TLK1: variants seen among roughly 807,000 people sequenced by gnomAD.
TLK1 encodes the protein tousled like kinase 1.
A neutral mutation model predicts 105.3 loss-of-function variants in TLK1; 24 were observed. That is an observed-to-expected ratio of 0.23 (90% confidence interval 0.17 to 0.32). TLK1 has a LOEUF of 0.32. Ranked by LOEUF, TLK1 falls within the 10% of genes least tolerant of loss-of-function variation. TLK1 has a pLI of 1.00. For missense variants in TLK1, 558 were observed against 910.5 expected (o/e 0.61, Z 4.98); for synonymous variants, 321 against 310.4 (o/e 1.03, Z -0.36).
intron 1 of TLK1, among the ~76,000 whole-genome samples, chr2:171,128,880 A>G (rs1447646206): frequency 6.6e-6 from 1 of 152,160 alleles, no homozygotes. Context: ...GAGACACTGA[A>G]AGGTTAAGTT....
chr2:171,122,444 T>C (rs1690691848), intron 1 of TLK1, among the ~76,000 whole-genome samples: 1 of 152,124 alleles, frequency 6.6e-6, no homozygotes, highest in South Asian at 2.1e-4. Flanking sequence ...AATCATGGGT[T>C]CCTCCACAAA....
chr2:171,100,288 A>G (rs1689631765), intron 2 of TLK1, among the ~76,000 whole-genome samples: 1 of 152,176 alleles, frequency 6.6e-6, no homozygotes, highest in African/African-American at 2.4e-5. Flanking sequence ...AATTTGGTCC[A>G]AAGTGTGGCG....
intron 2 of TLK1, 74 bp from the exon 3 acceptor site, chr2:171,082,926 A>G (rs1333902086): frequency 8.8e-6 from 9 of 1,020,050 alleles, no homozygotes; most frequent in East Asian, 2.4e-5. Context: ...TTAAACAAAC[A>G]TATTACAAAG....
At chr2:171,105,750 C>T (rs1011000798) in intron 2 of TLK1, among the ~76,000 whole-genome samples, 2 of 151,952 alleles carry the variant, frequency 1.3e-5, no homozygotes, top group African/African-American at 2.4e-5. Flanking sequence ...AACCCTCCTA[C>T]ACTGTTGGTG....
intron 3 of TLK1, among the ~76,000 whole-genome samples, chr2:171,076,925 GA>G (rs1688542253): frequency 7.0e-6 from 1 of 143,602 alleles, no homozygotes; most frequent in African/African-American, 2.9e-5. Context: ...AAAAAAGAAA[GA>G]AAGAAAGAAA....
At chr2:171,070,529 T>C (rs1177965079) in intron 3 of TLK1, among the ~76,000 whole-genome samples, 1 of 152,176 alleles carries the variant, frequency 6.6e-6, no homozygotes, top group Non-Finnish European at 1.5e-5. Context: ...CATGTGAAGT[T>C]TGTCTTTCTG....
At chr2:171,174,999 T>C (rs1041582936) in intron 1 of TLK1, among the ~76,000 whole-genome samples, 1 of 152,088 alleles carries the variant, frequency 6.6e-6, no homozygotes, top group African/African-American at 2.4e-5. Context: ...TCCCAACATG[T>C]TGGGAGGATT....
chr2:171,101,312 C>T (rs188364971), intron 2 of TLK1, among the ~76,000 whole-genome samples: 20 of 136,862 alleles, frequency 1.5e-4, no homozygotes, highest in African/African-American at 5.9e-4. Context: ...CGCCACTGCA[C>T]TCCAGCCTGG....
chr2:171,065,816 C>T (rs1169655622), intron 3 of TLK1, among the ~76,000 whole-genome samples: 1 of 152,202 alleles, frequency 6.6e-6, no homozygotes, highest in Non-Finnish European at 1.5e-5. Context: ...GGATTACAGG[C>T]GTGAGCCACT....
chr2:171,134,653 C>T (rs1423797112), intron 1 of TLK1, among the ~76,000 whole-genome samples: 4 of 149,730 alleles, frequency 2.7e-5, no homozygotes, highest in Admixed American at 6.7e-5. Flanking sequence ...CAGAATCAAC[C>T]TAAATGTCCA....
chr2:171,065,956 C>T (rs1015795661), intron 3 of TLK1, among the ~76,000 whole-genome samples: 3 of 152,122 alleles, frequency 2.0e-5, no homozygotes, highest in African/African-American at 7.2e-5. Context: ...AATTTTTATC[C>T]ACATTTCTAG....
At position 171,033,427 on chromosome 2, in the gene TLK1, C is replaced by T. The variant is rs763847536; in HGVS notation, c.1170-5022G>A. Among the ~76,000 whole-genome samples the T allele has an allele frequency of 3.3e-5, 5 of 150,724 alleles. No homozygotes were observed. In the South Asian group the frequency reaches 1.0e-3, roughly 32 times the overall value. ...GATGGTTACTAGAGGCTGGGAAGGA[C>T]AGTGGGGAAGGGGGCAAAAGGTGGG... On this transcript the variant is annotated intron_variant, in intron 11 of 20. Transcript: ENST00000431350.
intron 12 of TLK1, among the ~76,000 whole-genome samples, chr2:171,016,450 C>T (rs764128619): frequency 7.2e-5 from 11 of 152,046 alleles, no homozygotes; most frequent in African/African-American, 2.2e-4. Context: ...ATTTTTAGTA[C>T]GTAATTTTGA....
In TLK1 at chr2:171,053,817, T is replaced by C; in HGVS notation, c.676A>G (p.Ser226Gly). 8.7e-6 allele frequency: 14 copies of C among 1,610,540 alleles called. No homozygotes were observed. Among genetic ancestry groups the C allele is most frequent in the Non-Finnish European group, 1.0e-5 (12 of 1,178,304 alleles). The change falls in exon 8 of 21, where the codon AGT becomes GGT. Residue 226 changes from serine (S) to glycine (G), a missense_variant. By Grantham distance (56) the Ser-to-Gly change is moderately conservative. Around this residue, in one of 5 missense-constraint regions of TLK1, gnomAD observed 196 missense variants for 239.3 expected, o/e 0.82. Coordinates refer to ENST00000431350, the MANE Select transcript of TLK1 (RefSeq NM_012290.5). ...TTTTCCAGGTCCTGGATTTTATTAC[T>C]TTCTAATGCTGCTAATTTCAGCATT... ...LTMLKLAALE[S>G]NKIQDLEKKE...
intron 11 of TLK1, among the ~76,000 whole-genome samples, chr2:171,043,180 T>C (rs1245853911): frequency 6.6e-6 from 1 of 152,228 alleles, no homozygotes; most frequent in East Asian, 1.9e-4. Flanking sequence ...TGGACATTGA[T>C]GCTGCGACTG....
At chr2:171,065,570 C>T (rs1409717418) in intron 3 of TLK1, among the ~76,000 whole-genome samples, 1 of 150,018 alleles carries the variant, frequency 6.7e-6, no homozygotes, top group Non-Finnish European at 1.5e-5. Flanking sequence ...CGGAGTCTCG[C>T]TCTGTCGCCC....
At chr2:171,028,196 A>G (rs997418590) in intron 12 of TLK1, 143 bp downstream of exon 12, 1 of 649,778 alleles carries the variant, frequency 1.5e-6, no homozygotes, top group Non-Finnish European at 2.7e-6. Flanking sequence ...AGTAACTTTA[A>G]TGCATCTCTT....
At chr2:171,150,851 G>A (rs943727309) in intron 1 of TLK1, among the ~76,000 whole-genome samples, 8 of 152,062 alleles carry the variant, frequency 5.3e-5, no homozygotes, top group Non-Finnish European at 1.0e-4. Flanking sequence ...TTGTTATTAC[G>A]TGTAACCAAA....
chr2:171,117,903 T>C, intron 1 of TLK1, 46 bp from the exon 2 acceptor site: 1 of 1,284,022 alleles, frequency 7.8e-7, no homozygotes, highest in Non-Finnish European at 1.1e-6. Context: ...TATGTGTGTA[T>C]ACTTTATACT....
Sources: allele counts gnomAD v4.1 joint callset (sites outside exome capture counted in the v4.1 genomes callset), GRCh38; gene constraint gnomAD v4.1.1; regional missense constraint gnomAD v4.1.1; transcripts MANE v1.5; gene names NCBI Gene and HGNC (gene_info 2026-07-23, HGNC 2026-07-21).